NRG3: variants seen among roughly 807,000 people sequenced by gnomAD.
NRG3 encodes pro-neuregulin-3, membrane-bound isoform.
A neutral mutation model predicts 66.9 loss-of-function variants in NRG3; 31 were observed. The observed-to-expected ratio is 0.46, with a 90% CI of 0.35 to 0.63. The LOEUF is 0.63. NRG3 is among the 20% of genes least tolerant of loss of function. The pLI is 0.00. For missense variants in NRG3, 910 were observed against 878.9 expected (o/e 1.04, Z -0.45); for synonymous variants, 393 against 359.4 (o/e 1.09, Z -1.06).
At chr10:82,324,361 G>C (rs1166009360) in intron 1 of NRG3, among the ~76,000 whole-genome samples, 1 of 151,810 alleles carries the variant, frequency 6.6e-6, no homozygotes, top group Non-Finnish European at 1.5e-5. Context: ...GTTCTCAAAG[G>C]ATCAAGTTTT....
intron 5 of NRG3, among the ~76,000 whole-genome samples, chr10:82,957,639 A>G (rs920252541): frequency 6.6e-6 from 1 of 151,860 alleles, no homozygotes; most frequent in African/African-American, 2.4e-5. Flanking sequence ...TACATGCACG[A>G]AAATAGTTCT....
chr10:82,421,458 A>G (rs539387734), intron 2 of NRG3, among the ~76,000 whole-genome samples: 25 of 152,050 alleles, frequency 1.6e-4, no homozygotes, highest in Admixed American at 1.2e-3. Context: ...AGCATGACAC[A>G]TGGAAGCTTA....
At position 82,380,322 on chromosome 10, in the gene NRG3, A is replaced by T. The variant is rs543795909; in HGVS notation, c.953+21454A>T. Among the ~76,000 whole-genome samples the T allele has an allele frequency of 7.9e-5, 12 of 152,230 alleles. No homozygotes were observed. The South Asian group carries it at 2.5e-3, about 32-fold the overall frequency. On this transcript the variant is annotated intron_variant, in intron 2 of 8. Coordinates refer to ENST00000372141, the MANE Select transcript of NRG3 (RefSeq NM_001010848.4). ...CTTTTAAAAATACGTATTACTCTTGAGTTATTGGAACTTATTCACAAAAAA... is the reference window on the plus strand; with the variant it reads ...CTTTTAAAAATACGTATTACTCTTGTGTTATTGGAACTTATTCACAAAAAA...
intron 4 of NRG3, among the ~76,000 whole-genome samples, chr10:82,950,350 T>G (rs2132348666): frequency 6.6e-6 from 1 of 152,254 alleles, no homozygotes; most frequent in Non-Finnish European, 1.5e-5. Context: ...GAAAGTTGTG[T>G]CAGGTGTGTG....
intron 3 of NRG3, among the ~76,000 whole-genome samples, chr10:82,787,524 C>A (rs948885116): frequency 1.2e-4 from 19 of 152,094 alleles, no homozygotes; most frequent in African/African-American, 4.6e-4. Flanking sequence ...GCATTTCAGG[C>A]AGTAGAAAGG....
chr10:82,061,025 C>G (rs2064112992), intron 1 of NRG3, among the ~76,000 whole-genome samples: 1 of 152,140 alleles, frequency 6.6e-6, no homozygotes, highest in Non-Finnish European at 1.5e-5. Flanking sequence ...GTTTTTTGAA[C>G]CCAAGTTGTA....
intron 4 of NRG3, among the ~76,000 whole-genome samples, chr10:82,876,836 A>T (rs1215980371): frequency 6.6e-6 from 1 of 152,076 alleles, no homozygotes; most frequent in African/African-American, 2.4e-5. Flanking sequence ...CAGCCTGACC[A>T]AGATGGATGA....
Position 82,743,084 on chromosome 10 carries a change from A to T in NRG3, c.1027+4434A>T, listed in dbSNP as rs1344743160. Among the ~76,000 whole-genome samples, 23 of 152,134 alleles carry T rather than the reference A, an allele frequency of 1.5e-4. No individual in the cohort carries two copies. The East Asian group carries it at 4.3e-3, about 28-fold the overall frequency. On this transcript the variant is annotated intron_variant, in intron 3 of 8. Coordinates refer to ENST00000372141, the MANE Select transcript of NRG3 (RefSeq NM_001010848.4). ...GGCACGCCTCCTCACACACAGCTGG[A>T]GACAGCCGTTTCTACCCCACCCTGT...
chr10:81,925,843 G>A (rs752905218), intron 1 of NRG3, among the ~76,000 whole-genome samples: 5 of 151,996 alleles, frequency 3.3e-5, no homozygotes, highest in Non-Finnish European at 7.4e-5. Context: ...TCCTGCCAGG[G>A]AGCTTTCATA....
chr10:82,763,663 G>T (rs1040479379), intron 3 of NRG3, among the ~76,000 whole-genome samples: 1 of 146,682 alleles, frequency 6.8e-6, no homozygotes. Flanking sequence ...CACTTCCCAT[G>T]TTCAAAAAAA....
chr10:82,900,063 G>T (rs998240447), intron 4 of NRG3, among the ~76,000 whole-genome samples: 1 of 152,132 alleles, frequency 6.6e-6, no homozygotes, highest in Non-Finnish European at 1.5e-5. Flanking sequence ...ATGGCAGAAG[G>T]CAAAGGGGCA....
chr10:82,598,442 G>A (rs1353496608), intron 2 of NRG3, among the ~76,000 whole-genome samples: 3 of 152,192 alleles, frequency 2.0e-5, no homozygotes, highest in Admixed American at 1.3e-4. Flanking sequence ...CTGTGGAATT[G>A]AACATTCCTT....
chr10:82,276,687 A>AT (rs1211812233), intron 1 of NRG3, among the ~76,000 whole-genome samples: 2 of 152,080 alleles, frequency 1.3e-5, no homozygotes, highest in Admixed American at 1.3e-4. Context: ...CTTGTAGAAC[A>AT]TAATTTTATG....
At chr10:82,372,054 C>CA (rs949122039) in intron 2 of NRG3, among the ~76,000 whole-genome samples, 1 of 152,062 alleles carries the variant, frequency 6.6e-6, no homozygotes, top group African/African-American at 2.4e-5. Context: ...TAGAAGATTC[C>CA]AAAAATCAGT....
intron 1 of NRG3, among the ~76,000 whole-genome samples, chr10:82,267,373 C>A (rs1407701209): frequency 1.3e-5 from 2 of 152,176 alleles, no homozygotes; most frequent in African/African-American, 4.8e-5. Flanking sequence ...CACACACAGG[C>A]ATCCCATCCT....
chr10:82,985,394 T>A lies in NRG3; in HGVS notation c.1880T>A (p.Val627Glu). The change falls in exon 9 of 9, where the codon GTG (valine) becomes GAG (glutamate). Residue 627 changes from valine (V) to glutamate (E), a missense_variant. Val to Glu is a moderately radical substitution (Grantham distance 121, BLOSUM62 -2). Transcript: ENST00000372141. ...TGTCTTATAGCAGAACAACAAGAAG[T>A]GAAAATATTGCTAGAAACTGTCCAG... is the stretch of plus-strand genomic sequence containing the variant. ...SDCLIAEQQE[V>E]KILLETVQEQ... 1.2e-6 allele frequency: 2 copies of A among 1,614,028 alleles called. No homozygotes were observed. Among genetic ancestry groups the A allele is most frequent in the Non-Finnish European group, 1.7e-6 (2 of 1,179,998 alleles).
At chr10:82,482,442 A>C (rs1842349652) in intron 2 of NRG3, among the ~76,000 whole-genome samples, 1 of 152,078 alleles carries the variant, frequency 6.6e-6, no homozygotes, top group African/African-American at 2.4e-5. Context: ...AATCACAAAG[A>C]TTTTGTGGTA....
chr10:82,928,870 A>G (rs1440698822), intron 4 of NRG3, among the ~76,000 whole-genome samples: 1 of 152,028 alleles, frequency 6.6e-6, no homozygotes, highest in Non-Finnish European at 1.5e-5. Context: ...CTCCATACCC[A>G]TTTTGTACAT....
At chr10:82,258,536 T>C (rs1038125170) in intron 1 of NRG3, among the ~76,000 whole-genome samples, 1 of 152,228 alleles carries the variant, frequency 6.6e-6, no homozygotes, top group African/African-American at 2.4e-5. Context: ...TAACAATCAT[T>C]GCACAAAGGC....
Sources: gnomAD v4.1 joint callset for allele counts (sites outside exome capture counted in the v4.1 genomes callset) on GRCh38, gnomAD v4.1.1 for gene constraint, MANE v1.5 for transcripts, NCBI Gene and HGNC (gene_info 2026-07-23, HGNC 2026-07-21) for gene names.